Variants in PTPRD observed in about 807,000 individuals in gnomAD.
PTPRD encodes the protein receptor-type tyrosine-protein phosphatase delta.
A neutral mutation model predicts 214.5 loss-of-function variants in PTPRD; 34 were observed. The observed-to-expected ratio is 0.16, with a 90% CI of 0.12 to 0.21. The LOEUF (loss-of-function observed/expected upper bound fraction) is 0.21, where lower values mean the gene tolerates loss of function less well. Ranked by LOEUF, PTPRD falls within the 10% of genes least tolerant of loss-of-function variation. The pLI, the probability that PTPRD is intolerant of heterozygous loss-of-function variation, is 1.00. For synonymous variants in PTPRD, 1,128 were observed against 845.7 expected, an observed-to-expected ratio of 1.33 and a Z score of -5.79; for missense variants, 2,545 against 2,398.7, an observed-to-expected ratio of 1.06 and a Z score of -1.27.
At chr9:8,817,248 G>C (rs1416338891) in intron 11 of PTPRD, among the ~76,000 whole-genome samples, 1 of 152,136 alleles carries the variant, frequency 6.6e-6, no homozygotes, top group Non-Finnish European at 1.5e-5. Context: ...ATGAACCTTA[G>C]TAATCTGACA....
intron 3 of PTPRD, among the ~76,000 whole-genome samples, chr9:10,125,665 G>C (rs552477981): frequency 3.6e-4 from 49 of 136,684 alleles, no homozygotes; most frequent in Non-Finnish European, 5.3e-4. Context: ...TGTATTTTTA[G>C]TAGAGACGGG....
chr9:9,436,988 C>T (rs1390066305), intron 8 of PTPRD, among the ~76,000 whole-genome samples: 2 of 152,146 alleles, frequency 1.3e-5, no homozygotes, highest in East Asian at 1.9e-4. Flanking sequence ...TTTCTTCACC[C>T]TTCTATCCGT....
chr9:10,271,535 TTTTCTTTTCTTTTC>T lies in PTPRD; in HGVS notation c.-545+69414_-545+69427del, dbSNP rs1377806714. Among the ~76,000 whole-genome samples the T allele has an allele frequency of 5.2e-5, 3 of 57,868 alleles. No individual in the cohort carries two copies. In the Admixed American group the frequency reaches 6.7e-4, roughly 13 times the overall value. 38.0% of individuals were successfully genotyped at this position (57,868 alleles called of 152,430 possible). ...CAATACTGATAAATTCAATTGTTTC[TTTTCTTTTCTTTTC>T]TTTTTTTTTTTGAGACGGAATCTTG... On this transcript the variant is annotated intron_variant, in intron 3 of 45. Coordinates refer to ENST00000381196, the MANE Select transcript of PTPRD (RefSeq NM_002839.4).
chr9:9,202,503 T>C (rs937155269), intron 9 of PTPRD, among the ~76,000 whole-genome samples: 2 of 152,184 alleles, frequency 1.3e-5, no homozygotes, highest in African/African-American at 4.8e-5. Context: ...TCACAAGTTA[T>C]TAGATCCAGA....
At chr9:9,157,655 C>A (rs959083861) in intron 10 of PTPRD, among the ~76,000 whole-genome samples, 1 of 152,164 alleles carries the variant, frequency 6.6e-6, no homozygotes, top group Non-Finnish European at 1.5e-5. Flanking sequence ...AGCCCAGGAC[C>A]AGATGGCTTC....
At chr9:10,129,380 A>C (rs760120469) in intron 3 of PTPRD, among the ~76,000 whole-genome samples, 82 of 152,180 alleles carry the variant, frequency 5.4e-4, no homozygotes, top group Admixed American at 2.8e-3. Context: ...TAATTTCAAA[A>C]CTTAATATTC....
intron 5 of PTPRD, among the ~76,000 whole-genome samples, chr9:9,894,445 T>C (rs1251662066): frequency 1.3e-5 from 2 of 152,122 alleles, no homozygotes; most frequent in African/African-American, 4.8e-5. Flanking sequence ...AATCAGATTT[T>C]TTAAATTCAA....
At chr9:8,326,796 G>A (rs1366225185) in intron 44 of PTPRD, among the ~76,000 whole-genome samples, 1 of 150,552 alleles carries the variant, frequency 6.6e-6, no homozygotes, top group African/African-American at 2.4e-5. Flanking sequence ...GAGGGTGTAC[G>A]TCTCCAGGAA....
At chr9:9,038,200 T>G (rs1312822651) in intron 10 of PTPRD, among the ~76,000 whole-genome samples, 1 of 152,018 alleles carries the variant, frequency 6.6e-6, no homozygotes, top group Non-Finnish European at 1.5e-5. Context: ...AAAAAAAGAT[T>G]GTGGGTGAGC....
chr9:8,793,141 G>C (rs1034241378), intron 11 of PTPRD, among the ~76,000 whole-genome samples: 1 of 152,170 alleles, frequency 6.6e-6, no homozygotes, highest in Admixed American at 6.5e-5. Context: ...TGCACATATT[G>C]TCTGTAGCCC....
chr9:9,627,717 G>A (rs2095467780), intron 7 of PTPRD, among the ~76,000 whole-genome samples: 1 of 152,170 alleles, frequency 6.6e-6, no homozygotes, highest in South Asian at 2.1e-4. Context: ...AGGTTAGAAT[G>A]GTTTCAATAT....
intron 39 of PTPRD, among the ~76,000 whole-genome samples, chr9:8,374,455 A>T (rs1317270367): frequency 6.6e-6 from 1 of 151,972 alleles, no homozygotes; most frequent in Non-Finnish European, 1.5e-5. Context: ...TCAAATTAAA[A>T]ATAATTTTTA....
intron 7 of PTPRD, among the ~76,000 whole-genome samples, chr9:9,587,864 T>C (rs1242711117): frequency 6.6e-6 from 1 of 151,894 alleles, no homozygotes; most frequent in Admixed American, 6.6e-5. Flanking sequence ...GTGGTTGGAA[T>C]TGGAGGATAA....
chr9:9,425,561 C>T (rs1467789597), intron 8 of PTPRD, among the ~76,000 whole-genome samples: 1 of 117,718 alleles, frequency 8.5e-6, no homozygotes, highest in South Asian at 3.0e-4. Context: ...CTAACATATA[C>T]ATCAGAATAG....
chr9:10,279,087 A>C (rs2094931582), intron 3 of PTPRD, among the ~76,000 whole-genome samples: 2 of 151,798 alleles, frequency 1.3e-5, no homozygotes. Flanking sequence ...TGTATGGTAA[A>C]AGTTTTTAAC....
intron 11 of PTPRD, among the ~76,000 whole-genome samples, chr9:8,940,653 T>G (rs902627002): frequency 2.0e-5 from 3 of 151,844 alleles, no homozygotes; most frequent in Admixed American, 2.0e-4. Flanking sequence ...AATTAGGAAT[T>G]TTACCTCCCA....
At chr9:8,454,599 AT>A in intron 33 of PTPRD, 3 of 1,612,774 alleles carry the variant, frequency 1.9e-6, no homozygotes, top group South Asian at 2.2e-5. Flanking sequence ...TTACTGCTCC[AT>A]TTTAATGCAG....
intron 3 of PTPRD, among the ~76,000 whole-genome samples, chr9:10,267,520 G>T (rs866143352): frequency 6.6e-6 from 1 of 152,108 alleles, no homozygotes; most frequent in Non-Finnish European, 1.5e-5. Flanking sequence ...CTACTAGCAA[G>T]ATATGAGAAA....
intron 2 of PTPRD, among the ~76,000 whole-genome samples, chr9:10,346,722 G>A (rs2097090504): frequency 6.6e-6 from 1 of 152,238 alleles, no homozygotes; most frequent in South Asian, 2.1e-4. Context: ...TAATGAGAGA[G>A]GATATCTTGT....
Sources: gnomAD v4.1 joint callset for allele counts (sites outside exome capture counted in the v4.1 genomes callset) on GRCh38, gnomAD v4.1.1 for gene constraint, MANE v1.5 for transcripts, NCBI Gene and HGNC (gene_info 2026-07-23, HGNC 2026-07-21) for gene names.